The following SFI1 variants were observed in gnomAD, a reference collection of about 807,000 sequenced individuals.
The protein encoded by SFI1 is SFI1 centrin binding protein.
Under a neutral mutation model 207.5 loss-of-function variants are expected in SFI1, and 195 were observed. That is an observed-to-expected ratio of 0.94 (90% CI 0.84 to 1.06). SFI1 has a LOEUF of 1.06. SFI1 is among the 50% of genes least tolerant of loss of function. SFI1 has a pLI of 0.00. For synonymous variants in SFI1, 630 were observed against 598.9 expected (o/e 1.05, Z -0.76); for missense variants, 1,634 against 1,588.0 (o/e 1.03, Z -0.49).
Position 31,614,826 on chromosome 22 carries a change from C to T in SFI1, c.3034C>T (p.Pro1012Ser), listed in dbSNP as rs778423687. ...AHSARKQPRR[P>S]HFLLEPAQSQ... The stretch of plus-strand genomic sequence containing the variant: ...CTCAGCGAGGAAGCAGCCGCGACGC[C>T]CACACTTCCTGTTGGAGCCTGCGCA... The change falls in exon 28 of 33, where the codon CCA becomes TCA. Residue 1012 changes from proline to serine, a missense_variant. Physicochemically the swap from Pro to Ser is moderately conservative, Grantham distance 74. Transcript: ENST00000400288. The T allele has an allele frequency of 1.2e-6, 2 of 1,613,788 alleles. No individual in the cohort carries two copies. The highest frequency in any genetic ancestry group is 2.2e-5 in the East Asian group (1 of 44,888).
At chr22:31,547,053 G>C in intron 5 of SFI1, 82 bp downstream of exon 5, 1 of 1,064,186 alleles carries the variant, frequency 9.4e-7, no homozygotes, top group East Asian at 2.6e-5. Flanking sequence ...ATGGTCAAAA[G>C]AAGCAAACTT....
chr22:31,515,452 A>G (rs535107149), intron 2 of SFI1, among the ~76,000 whole-genome samples: 24 of 149,770 alleles, frequency 1.6e-4, no homozygotes, highest in South Asian at 2.1e-4. Context: ...AGCTCATGCA[A>G]TCCTCCTTCC....
intron 1 of SFI1, among the ~76,000 whole-genome samples, chr22:31,502,317 C>T (rs1366353121): frequency 6.6e-6 from 1 of 151,898 alleles, no homozygotes; most frequent in East Asian, 1.9e-4. Context: ...CTATCAATGA[C>T]ATTAAGTGAG....
At chr22:31,511,213 G>GT (rs1461170580) in intron 2 of SFI1, among the ~76,000 whole-genome samples, 1 of 152,152 alleles carries the variant, frequency 6.6e-6, no homozygotes, top group Middle Eastern at 3.4e-3. Context: ...GCAAGGGTCA[G>GT]TTTTTTCCCC....
chr22:31,545,308 T>A (rs555296360), intron 4 of SFI1, among the ~76,000 whole-genome samples: 5 of 148,896 alleles, frequency 3.4e-5, no homozygotes, highest in Non-Finnish European at 7.4e-5. Context: ...GAGGTTGCGA[T>A]GAACCGAGAT....
Position 31,604,913 on chromosome 22 carries a change from C to T in SFI1, c.2022C>T (p.Ala674=). 6.2e-7 allele frequency: 1 copy of T among 1,611,304 alleles called. No homozygotes were observed. ...RVRSILREVA[A]RESQHNRQLL... Reference sequence around the variant, plus strand: ...GAAGCATCCTCCGGGAGGTGGCAGCCAGGGAGAGCCAGCACAACAGGCAGC... The same window carrying T: ...GAAGCATCCTCCGGGAGGTGGCAGCTAGGGAGAGCCAGCACAACAGGCAGC... Residue 674 remains alanine (A), a synonymous_variant, in exon 20 of 33, where the codon GCC becomes GCT. Transcript: ENST00000400288.
chr22:31,602,501 A>G (rs930331886), intron 16 of SFI1, 106 bp from the exon 17 acceptor site: 4 of 1,370,472 alleles, frequency 2.9e-6, no homozygotes, highest in African/African-American at 1.4e-5. Context: ...CCTGACATCC[A>G]TTCCTTTTGC....
intron 25 of SFI1, 51 bp downstream of exon 25, chr22:31,613,267 C>A: frequency 1.9e-6 from 3 of 1,611,054 alleles, no homozygotes; most frequent in Non-Finnish European, 2.5e-6. Flanking sequence ...CAGGCCTTAG[C>A]CCTGCCTTGG....
chr22:31,575,081 AGTGCGTGTGTGTGTGTGTGTGTGT>A (rs1473180083), intron 9 of SFI1, 126 bp from the exon 10 acceptor site: 2 of 391,718 alleles, frequency 5.1e-6, no homozygotes, highest in Non-Finnish European at 7.4e-6. Context: ...AAAAAAACTT[AGTGCGTGTGTGTGTGTGTGTGTGT>A]GTGTGTGTGT....
intron 12 of SFI1, among the ~76,000 whole-genome samples, chr22:31,582,302 C>CAGTA (rs1372473068): frequency 1.7e-5 from 2 of 119,502 alleles, no homozygotes; most frequent in African/African-American, 6.6e-5. Context: ...GGCTGGAGTG[C>CAGTA]AGTAAGTAGC....
chr22:31,550,212 G>A lies in SFI1; in HGVS notation c.450-42G>A, dbSNP rs762264551. 1.9e-6 allele frequency: 3 copies of A among 1,561,666 alleles called. No homozygotes were observed. In the African/African-American group the frequency reaches 4.1e-5, roughly 21 times the overall value. ...AGGTGTGAGCCACCGCGCCCGGCCT[G>A]TTATTTTGAAGAAATGCCATTTACT... On this transcript the variant is annotated intron_variant, in intron 5 of 32. Transcript: ENST00000400288.
chr22:31,568,097 A>G (rs1254718518), intron 8 of SFI1, among the ~76,000 whole-genome samples: 1 of 151,972 alleles, frequency 6.6e-6, no homozygotes, highest in Non-Finnish European at 1.5e-5. Context: ...TTACAAGTAT[A>G]AAAAGCAAAG....
chr22:31,546,093 C>T (rs1204039880), intron 4 of SFI1, among the ~76,000 whole-genome samples: 1 of 151,468 alleles, frequency 6.6e-6, no homozygotes, highest in African/African-American at 2.4e-5. Context: ...TTGGGTTCCA[C>T]CATGTCACCC....
intron 8 of SFI1, among the ~76,000 whole-genome samples, chr22:31,568,691 C>T (rs966659511): frequency 6.6e-6 from 1 of 151,616 alleles, no homozygotes; most frequent in South Asian, 2.1e-4. Flanking sequence ...AGGAAATAGA[C>T]AAGATACACC....
chr22:31,582,236 ATTTTTTTTTTTTTTTTTT>A (rs1161846940), intron 12 of SFI1, among the ~76,000 whole-genome samples: 1 of 10,138 alleles, frequency 9.9e-5, no homozygotes, highest in African/African-American at 3.5e-4. Context: ...ATATATATAT[ATTTTTTTTTTTTTTTTTT>A]TTTTTTTTTT....
chr22:31,536,493 C>T (rs1328452454), intron 4 of SFI1, among the ~76,000 whole-genome samples: 2 of 152,192 alleles, frequency 1.3e-5, no homozygotes, highest in Non-Finnish European at 2.9e-5. Context: ...CTCACTGCAA[C>T]CGCCACCTTC....
chr22:31,543,500 T>C (rs1460805551), intron 4 of SFI1, among the ~76,000 whole-genome samples: 1 of 152,148 alleles, frequency 6.6e-6, no homozygotes, highest in African/African-American at 2.4e-5. Context: ...TATGTCTTTG[T>C]AAGCTAGTTT....
chr22:31,580,972 G>A (rs1459535086), intron 12 of SFI1, among the ~76,000 whole-genome samples: 1 of 152,112 alleles, frequency 6.6e-6, no homozygotes, highest in Non-Finnish European at 1.5e-5. Flanking sequence ...TTTTAAACCT[G>A]ACCTAGGGGA....
chr22:31,574,413 G>A (rs889540156), intron 9 of SFI1, among the ~76,000 whole-genome samples: 1 of 152,150 alleles, frequency 6.6e-6, no homozygotes, highest in Non-Finnish European at 1.5e-5. Context: ...CCAGGCCCTA[G>A]CTCATCAGAC....
Sources: gnomAD v4.1 joint callset for allele counts (sites outside exome capture counted in the v4.1 genomes callset) on GRCh38, gnomAD v4.1.1 for gene constraint, MANE v1.5 for transcripts, NCBI Gene and HGNC (gene_info 2026-07-23, HGNC 2026-07-21) for gene names.